Variants in SCNN1B observed in about 807,000 individuals in gnomAD.
The protein encoded by SCNN1B is sodium channel epithelial 1 subunit beta, also known as epithelial sodium channel subunit beta.
Under a neutral mutation model 65.3 loss-of-function variants are expected in SCNN1B, and 46 were observed. That is an observed-to-expected ratio of 0.70 (90% confidence interval 0.56 to 0.90). The LOEUF (loss-of-function observed/expected upper bound fraction) is 0.90, where lower values mean the gene tolerates loss of function less well. SCNN1B is among the 40% of genes least tolerant of loss of function. The pLI, the probability that SCNN1B is intolerant of heterozygous loss-of-function variation, is 0.00. For missense variants in SCNN1B, 751 were observed against 830.5 expected (o/e 0.90, Z 1.18); for synonymous variants, 349 against 330.6 (o/e 1.06, Z -0.60).
chr16:23,335,602 A>T (rs1961920951), intron 1 of SCNN1B, among the ~76,000 whole-genome samples: 1 of 151,488 alleles, frequency 6.6e-6, no homozygotes, highest in African/African-American at 2.4e-5. Flanking sequence ...GTGTGCCACC[A>T]TGCCCAGCTA....
At chr16:23,289,962 C>G (rs935087263) in intron 2 of SCNN1B, among the ~76,000 whole-genome samples, 2 of 152,120 alleles carry the variant, frequency 1.3e-5, no homozygotes. Flanking sequence ...AGGCATGAGT[C>G]ACTGCACCCG....
intron 1 of SCNN1B, among the ~76,000 whole-genome samples, chr16:23,333,626 G>C (rs79063912): frequency 0.058 from 8,792 of 152,264 alleles, 823 homozygotes; most frequent in African/African-American, 0.2. Flanking sequence ...ATTGAATCCT[G>C]ACAACAACCT....
At chr16:23,338,088 C>T (rs1231277907) in intron 1 of SCNN1B, among the ~76,000 whole-genome samples, 8 of 152,182 alleles carry the variant, frequency 5.3e-5, no homozygotes, top group Non-Finnish European at 2.9e-5. Context: ...ACCACAACAA[C>T]AAAAAAGAAA....
chr16:23,334,815 A>G (rs1567301277), intron 1 of SCNN1B, among the ~76,000 whole-genome samples: 2 of 152,230 alleles, frequency 1.3e-5, no homozygotes, highest in African/African-American at 4.8e-5. Flanking sequence ...ATGGGCTGTC[A>G]CATTTTAAAT....
intron 2 of SCNN1B, among the ~76,000 whole-genome samples, chr16:23,295,830 G>A (rs9924570): frequency 0.13 from 19,176 of 152,128 alleles, 2,969 homozygotes; most frequent in African/African-American, 0.37. Flanking sequence ...TCCAGATGCA[G>A]CTGAAAACCT....
At chr16:23,303,843 C>T in intron 1 of SCNN1B, 1 of 580,564 alleles carries the variant, frequency 1.7e-6, no homozygotes, top group Non-Finnish European at 3.1e-6. Flanking sequence ...CGCTTGAACC[C>T]AGGAGGTGGA....
chr16:23,279,404 G>A (rs375746399), intron 1 of SCNN1B, among the ~76,000 whole-genome samples: 1 of 151,664 alleles, frequency 6.6e-6, no homozygotes, highest in East Asian at 1.9e-4. Context: ...TAAAGATCAG[G>A]GTTGCCATTT....
intron 1 of SCNN1B, among the ~76,000 whole-genome samples, chr16:23,313,959 T>C (rs926548241): frequency 1.3e-5 from 2 of 152,104 alleles, no homozygotes; most frequent in Non-Finnish European, 2.9e-5. Flanking sequence ...ATTCTTTCAT[T>C]GAATTCTTTC....
intron 2 of SCNN1B, among the ~76,000 whole-genome samples, chr16:23,284,935 A>G (rs1960829888): frequency 6.6e-6 from 1 of 152,228 alleles, no homozygotes; most frequent in Non-Finnish European, 1.5e-5. Flanking sequence ...AAAGCAAAGA[A>G]GCTTATCAAA....
intron 5 of SCNN1B, among the ~76,000 whole-genome samples, chr16:23,369,986 A>G (rs1233812634): frequency 2.0e-5 from 3 of 152,194 alleles, no homozygotes; most frequent in African/African-American, 7.2e-5. Flanking sequence ...GCTGGAGTGC[A>G]GTGGCGCAAT....
At chr16:23,377,488 TC>T (rs1962925848) in intron 10 of SCNN1B, 102 bp downstream of exon 10, 1 of 980,924 alleles carries the variant, frequency 1.0e-6, no homozygotes, top group Non-Finnish European at 1.6e-6. Flanking sequence ...GGTGCCTTTT[TC>T]CCTCCCTCCT....
intron 1 of SCNN1B, among the ~76,000 whole-genome samples, chr16:23,316,012 C>T (rs1596827674): frequency 6.6e-6 from 1 of 151,860 alleles, no homozygotes; most frequent in African/African-American, 2.4e-5. Context: ...TCACCACCAT[C>T]ATCCCCATCA....
At chr16:23,329,553 G>A (rs755043270) in intron 1 of SCNN1B, among the ~76,000 whole-genome samples, 7 of 152,138 alleles carry the variant, frequency 4.6e-5, no homozygotes, top group Admixed American at 2.0e-4. Flanking sequence ...AAGCACCCTC[G>A]GAGGTAGGTG....
intron 2 of SCNN1B, among the ~76,000 whole-genome samples, chr16:23,294,179 A>G (rs956998472): frequency 6.6e-6 from 1 of 151,912 alleles, no homozygotes; most frequent in Non-Finnish European, 1.5e-5. Flanking sequence ...GGCCAACATA[A>G]CAGAACCCCA....
intron 1 of SCNN1B, among the ~76,000 whole-genome samples, chr16:23,338,431 T>C (rs2142006986): frequency 6.6e-6 from 1 of 152,352 alleles, no homozygotes; most frequent in South Asian, 2.1e-4. Flanking sequence ...GATTTTTCAA[T>C]AACCAGAGTC....
intron 4 of SCNN1B, among the ~76,000 whole-genome samples, chr16:23,366,241 G>C (rs1396634989): frequency 6.6e-6 from 1 of 151,952 alleles, no homozygotes; most frequent in African/African-American, 2.4e-5. Flanking sequence ...GTCTCACTCT[G>C]TTGCCCAGGC....
At chr16:23,298,123 AT>A (rs1256652743), upstream of SCNN1B, among the ~76,000 whole-genome samples, 13 of 151,662 alleles carry the variant, frequency 8.6e-5, no homozygotes, top group South Asian at 6.3e-4. Flanking sequence ...TCAATAGAAC[AT>A]TTTTTGGGGG....
At chr16:23,295,009 A>AG (rs1458132636) in intron 2 of SCNN1B, among the ~76,000 whole-genome samples, 10 of 151,092 alleles carry the variant, frequency 6.6e-5, no homozygotes, top group Admixed American at 2.0e-4. Context: ...CAAATAAACA[A>AG]AAAAACTTCA....
chr16:23,349,073 C>T (rs975398926), intron 2 of SCNN1B, among the ~76,000 whole-genome samples, 163 bp downstream of exon 2: 11 of 151,286 alleles, frequency 7.3e-5, no homozygotes, highest in African/African-American at 2.7e-4. Context: ...TATTACTTTT[C>T]CTTCCTTCTT....
Sources: allele counts gnomAD v4.1 joint callset (sites outside exome capture counted in the v4.1 genomes callset), GRCh38; gene constraint gnomAD v4.1.1; transcripts MANE v1.5; gene names NCBI Gene and HGNC (gene_info 2026-07-23, HGNC 2026-07-21).